The following RARB variants were observed in gnomAD, a reference collection of about 807,000 sequenced individuals.
RARB encodes HBV-activated protein.
Under a neutral mutation model 51.9 loss-of-function variants are expected in RARB, and 17 were observed. The observed-to-expected ratio is 0.33, with a 90% CI of 0.22 to 0.49. The LOEUF (loss-of-function observed/expected upper bound fraction) is 0.49. Ranked by LOEUF, RARB falls within the 20% of genes least tolerant of loss-of-function variation. RARB has a pLI of 0.99. For synonymous variants in RARB, 215 were observed against 195.4 expected, an observed-to-expected ratio of 1.10 and a Z score of -0.84; for missense variants, 369 against 550.8, an observed-to-expected ratio of 0.67 and a Z score of 3.30.
chr3:25,268,130 G>A (rs1302788233), intron 5 of RARB, among the ~76,000 whole-genome samples: 1 of 152,132 alleles, frequency 6.6e-6, no homozygotes, highest in Non-Finnish European at 1.5e-5. Context: ...TAACATGAAC[G>A]ACATCAACCT....
chr3:25,146,444 A>G (rs915001224), intron 4 of RARB, among the ~76,000 whole-genome samples: 18 of 152,052 alleles, frequency 1.2e-4, no homozygotes, highest in Non-Finnish European at 2.9e-5. Flanking sequence ...ATTAATTTGC[A>G]AAAACACACA....
intron 2 of RARB, among the ~76,000 whole-genome samples, chr3:24,926,235 G>A (rs1428675242): frequency 6.6e-6 from 1 of 152,102 alleles, no homozygotes; most frequent in Non-Finnish European, 1.5e-5. Context: ...AACATTAGGG[G>A]AGAAGAAGAT....
Position 25,080,249 on chromosome 3 carries a change from C to G in RARB, c.-328+20073C>G, listed in dbSNP as rs556313783. On this transcript the variant is annotated intron_variant, in intron 3 of 11. Transcript: ENST00000383772. ...TTTTCAAAGTTCACCCATTTTGGAGCATGTATCAGAGCTTTATTTCTTCTC... is the reference window on the plus strand; with the variant it reads ...TTTTCAAAGTTCACCCATTTTGGAGGATGTATCAGAGCTTTATTTCTTCTC... 2.6e-5 allele frequency among the ~76,000 whole-genome samples: 4 copies of G among 152,318 alleles called. No homozygotes were observed. In the East Asian group the frequency reaches 7.7e-4, roughly 29 times the overall value.
At chr3:25,360,590 T>G (rs1411979954) in intron 5 of RARB, among the ~76,000 whole-genome samples, 2 of 152,164 alleles carry the variant, frequency 1.3e-5, no homozygotes, top group East Asian at 3.9e-4. Context: ...TACATTTTGG[T>G]TTGTTTTTGC....
chr3:25,018,018 T>C (rs1205919680), intron 2 of RARB, among the ~76,000 whole-genome samples: 1 of 152,214 alleles, frequency 6.6e-6, no homozygotes, highest in African/African-American at 2.4e-5. Context: ...ACCTTGGTCT[T>C]GGACTACCCA....
intron 5 of RARB, chr3:25,260,075 A>C (rs1316372377): frequency 1.2e-6 from 1 of 821,690 alleles, no homozygotes; most frequent in Non-Finnish European, 1.5e-6. Flanking sequence ...TTTCTTGGGC[A>C]CAAGGCCCAG....
chr3:25,166,699 T>C (rs552090491), intron 4 of RARB, among the ~76,000 whole-genome samples: 1 of 152,292 alleles, frequency 6.6e-6, no homozygotes, highest in African/African-American at 2.4e-5. Context: ...CTTGTCTGTT[T>C]TGTTGCTTGG....
rs76181010 is a variant in RARB, at chr3:24,891,454, A to G, written c.-380+32702A>G. Reference sequence around the variant, plus strand: ...CATAGCCCCCACTAGGTTAGTAGTGAGTACTATGAGAAACTCACATCTGAA... The same window carrying G: ...CATAGCCCCCACTAGGTTAGTAGTGGGTACTATGAGAAACTCACATCTGAA... On this transcript the variant is annotated intron_variant, in intron 2 of 11. Transcript: ENST00000383772. Among the ~76,000 whole-genome samples, 355 of 152,306 alleles carry G rather than the reference A, an allele frequency of 2.3e-3. 10 individuals are homozygous for G. The East Asian group carries it at 0.059, about 25-fold the overall frequency.
At chr3:24,956,832 G>A (rs1342854472) in intron 2 of RARB, among the ~76,000 whole-genome samples, 1 of 152,178 alleles carries the variant, frequency 6.6e-6, no homozygotes, top group Non-Finnish European at 1.5e-5. Context: ...TTTGTACACA[G>A]GAAGGTTATT....
intron 3 of RARB, among the ~76,000 whole-genome samples, chr3:25,565,907 G>A (rs1700474497): frequency 6.6e-6 from 1 of 152,170 alleles, no homozygotes. Flanking sequence ...CTCTGGAGTT[G>A]ACCCCAGGTG....
At chr3:25,431,626 T>C (rs1283542857) in intron 1 of RARB, among the ~76,000 whole-genome samples, 3 of 152,158 alleles carry the variant, frequency 2.0e-5, no homozygotes, top group African/African-American at 7.2e-5. Context: ...ATAGGATAAA[T>C]CTTAATATTT....
chr3:25,039,467 T>G (rs1431906045), intron 2 of RARB, among the ~76,000 whole-genome samples: 1 of 152,132 alleles, frequency 6.6e-6, no homozygotes, highest in Non-Finnish European at 1.5e-5. Context: ...AACAAATACT[T>G]AAGTATCTCA....
At chr3:25,251,020 T>C (rs1208513138) in intron 5 of RARB, among the ~76,000 whole-genome samples, 1 of 152,174 alleles carries the variant, frequency 6.6e-6, no homozygotes, top group African/African-American at 2.4e-5. Flanking sequence ...GTGTTTCCTG[T>C]TACTTCTCTA....
At chr3:25,549,452 A>G (rs1699751608) in intron 3 of RARB, among the ~76,000 whole-genome samples, 1 of 152,164 alleles carries the variant, frequency 6.6e-6, no homozygotes, top group East Asian at 1.9e-4. Flanking sequence ...GGTAGAGGAA[A>G]TACAGGTTGG....
intron 5 of RARB, among the ~76,000 whole-genome samples, chr3:25,393,171 G>C (rs1214396173): frequency 6.6e-6 from 1 of 151,944 alleles, no homozygotes; most frequent in African/African-American, 2.4e-5. Context: ...TTTTAATTCT[G>C]CTTATGTGTT....
intron 5 of RARB, among the ~76,000 whole-genome samples, chr3:25,380,654 T>G (rs534462128): frequency 4.7e-4 from 72 of 152,290 alleles, no homozygotes; most frequent in African/African-American, 1.7e-3. Context: ...CAAATGGCGT[T>G]TCCTGTATTT....
intron 5 of RARB, among the ~76,000 whole-genome samples, chr3:25,265,934 T>C (rs1703114966): frequency 6.6e-6 from 1 of 152,164 alleles, no homozygotes; most frequent in Non-Finnish European, 1.5e-5. Context: ...CCACATTCAT[T>C]GGCTCATGGC....
At chr3:24,914,889 T>C (rs1695072785) in intron 2 of RARB, among the ~76,000 whole-genome samples, 1 of 152,246 alleles carries the variant, frequency 6.6e-6, no homozygotes, top group Non-Finnish European at 1.5e-5. Flanking sequence ...ACCTGTGCAC[T>C]ATAAATGTAC....
intron 5 of RARB, among the ~76,000 whole-genome samples, chr3:25,306,985 C>A (rs955928697): frequency 6.6e-6 from 1 of 152,170 alleles, no homozygotes; most frequent in African/African-American, 2.4e-5. Context: ...AAGAGAGATA[C>A]ATTCCTTCAC....
Sources: allele counts gnomAD v4.1 joint callset (sites outside exome capture counted in the v4.1 genomes callset), GRCh38; gene constraint gnomAD v4.1.1; transcripts MANE v1.5; gene names NCBI Gene and HGNC (gene_info 2026-07-23, HGNC 2026-07-21).